The following SYNE1 variants were observed in gnomAD, a reference collection of about 807,000 sequenced individuals.
SYNE1 encodes the protein spectrin repeat containing nuclear envelope protein 1.
In SYNE1, 616 loss-of-function variants were observed where a neutral mutation model predicts 1,111.0. The ratio of observed to expected loss-of-function variants is 0.55; its 90% CI spans 0.52 to 0.59. The LOEUF (loss-of-function observed/expected upper bound fraction) is 0.59. Among genes scored for constraint, SYNE1 ranks in the 20% least tolerant of loss-of-function variants. The pLI is 0.00. For missense variants in SYNE1, 10,006 were observed against 10,417.0 expected (o/e 0.96, Z 1.72); for synonymous variants, 3,855 against 3,825.8 (o/e 1.01, Z -0.28).
At chr6:152,541,400 A>G (rs1378795620) in intron 3 of SYNE1, among the ~76,000 whole-genome samples, 3 of 152,012 alleles carry the variant, frequency 2.0e-5, no homozygotes, top group African/African-American at 4.8e-5. Context: ...ACTATTGTAA[A>G]TGGGGTTGCA....
At chr6:152,238,004 C>T (rs1270695786) in intron 108 of SYNE1, among the ~76,000 whole-genome samples, 1 of 152,094 alleles carries the variant, frequency 6.6e-6, no homozygotes, top group Non-Finnish European at 1.5e-5. Context: ...ATTTTCAATG[C>T]CTAGGGATCT....
intron 74 of SYNE1, among the ~76,000 whole-genome samples, chr6:152,340,711 T>A (rs945200824): frequency 1.3e-5 from 2 of 152,142 alleles, no homozygotes; most frequent in African/African-American, 4.8e-5. Flanking sequence ...TAAGCCGTGG[T>A]AAGAAAGTTG....
chr6:152,444,338 T>G, intron 30 of SYNE1, 73 bp downstream of exon 30: 1 of 1,546,364 alleles, frequency 6.5e-7, no homozygotes, highest in Non-Finnish European at 8.9e-7. Flanking sequence ...GTGGTTGTAT[T>G]CTTTATCTCT....
intron 37 of SYNE1, 144 bp downstream of exon 37, chr6:152,428,061 T>C: frequency 8.2e-7 from 1 of 1,225,520 alleles, no homozygotes; most frequent in East Asian, 2.3e-5. Context: ...CTTTGCCTTA[T>C]AACAAAGATC....
chr6:152,133,267 A>G lies in SYNE1; in HGVS notation c.26001+9T>C. ...AAATGCTACACGATGATGTCTGTTTATTGCTTACCTGCTGACTACTTGACA... is the reference window on the plus strand; with the variant it reads ...AAATGCTACACGATGATGTCTGTTTGTTGCTTACCTGCTGACTACTTGACA... On this transcript the variant is annotated intron_variant, in intron 143 of 145. Coordinates refer to ENST00000367255, the MANE Select transcript of SYNE1 (RefSeq NM_182961.4). 1.2e-6 allele frequency: 2 copies of G among 1,613,216 alleles called. No individual in the cohort carries two copies. The highest frequency in any genetic ancestry group is 1.7e-6 in the Non-Finnish European group (2 of 1,179,176).
At chr6:152,358,267 C>A in intron 66 of SYNE1, 106 bp downstream of exon 66, 3 of 1,467,420 alleles carry the variant, frequency 2.0e-6, no homozygotes, top group South Asian at 2.3e-5. Context: ...TAATGTGTAT[C>A]AACTAGCCAC....
chr6:152,143,933 T>A, intron 137 of SYNE1, 168 bp from the exon 138 acceptor site: 2 of 961,510 alleles, frequency 2.1e-6, no homozygotes, highest in Non-Finnish European at 3.2e-6. Flanking sequence ...GGGTTAGACA[T>A]TAAAATGGCC....
At chr6:152,147,913 G>T in intron 137 of SYNE1, 132 bp downstream of exon 137, 1 of 823,466 alleles carries the variant, frequency 1.2e-6, no homozygotes. Context: ...ATATCTAAGT[G>T]TTCACTTAGG....
chr6:152,441,048 ATAG>A (rs1474065411), intron 32 of SYNE1, 79 bp downstream of exon 32: 78 of 1,512,108 alleles, frequency 5.2e-5, no homozygotes, highest in Non-Finnish European at 5.9e-5. Context: ...ATAACAATTA[ATAG>A]TAATAATGGA....
chr6:152,281,902 C>A lies in SYNE1; in HGVS notation c.18286G>T (p.Asp6096Tyr). Residue 6096 changes from aspartate (D) to tyrosine (Y), a missense_variant, in exon 97 of 146, where the codon GAC (aspartate) becomes TAC (tyrosine). Coordinates refer to ENST00000367255, the MANE Select transcript of SYNE1 (RefSeq NM_182961.4). ...QRYRCEADEL[D>Y]SWLLSTKATL... ...GCCTTGGTACTCAAGAGCCAGCTGT[C>A]CAGCTCATCGGCTTCACAGCGATAC... 2 of 1,614,160 alleles carry A rather than the reference C, an allele frequency of 1.2e-6. No individual in the cohort carries two copies. Among genetic ancestry groups the A allele is most frequent in the Non-Finnish European group, 1.7e-6 (2 of 1,180,030 alleles).
chr6:152,494,865 A>G (rs2098990613), intron 11 of SYNE1, among the ~76,000 whole-genome samples: 2 of 152,198 alleles, frequency 1.3e-5, no homozygotes, highest in Non-Finnish European at 2.9e-5. Context: ...AAGACAGCTA[A>G]AGAAGCAGCC....
Position 152,354,782 on chromosome 6 carries a change from C to T in SYNE1, c.10803G>A (p.Arg3601=). Residue 3601 remains arginine (R), a synonymous_variant, in exon 67 of 146, where the codon AGG becomes AGA. Transcript: ENST00000367255. ...TQFNNVVNKL[R]LMEQKFQQVD... is the part of the protein sequence containing the mutation. ...CTTGCTGAAACTTTTGCTCCATTAG[C>T]CTCAATTTGTTCACCACGTTATTGA... 6.2e-7 allele frequency: 1 copy of T among 1,614,202 alleles called. No homozygotes were observed. Among genetic ancestry groups the T allele is most frequent in the East Asian group, 2.2e-5 (1 of 44,876 alleles).
rs774046000 is a variant in SYNE1 at position 152,221,565 on chromosome 6, C to T, written c.21523-6G>A. The T allele has an allele frequency of 1.9e-6, 3 of 1,612,930 alleles. No homozygotes were observed. The highest frequency in any genetic ancestry group is 1.1e-5 in the South Asian group (1 of 91,052). On this transcript the variant is annotated splice_polypyrimidine_tract_variant and splice_region_variant and intron_variant, in intron 117 of 145. Transcript: ENST00000367255. ...TCCAGATCATCTTGGAGATTCTGCC[C>T]CAAAAAAAAGACCCATAGATGACAT...
intron 82 of SYNE1, among the ~76,000 whole-genome samples, chr6:152,322,096 G>C (rs562011176): frequency 2.8e-4 from 43 of 152,248 alleles, no homozygotes; most frequent in African/African-American, 9.6e-4. Context: ...ACTGAGAGTT[G>C]ACTGTCTCAC....
chr6:152,210,690 G>A (rs373832879), intron 124 of SYNE1, among the ~76,000 whole-genome samples: 100 of 152,250 alleles, frequency 6.6e-4, no homozygotes, highest in African/African-American at 2.4e-3. Context: ...GTATACATAT[G>A]TAATAGAACA....
Position 152,269,266 on chromosome 6 carries a change from C to T in SYNE1, c.18594G>A (p.Glu6198=). ...LNMQGTAQEK[E]ESDVDLTATQ... The stretch of plus-strand genomic sequence containing the variant: ...TGGCTGTTAGGTCAACATCGCTCTC[C>T]TCCTTCTCCTGTGCTGTTCCCTGCT... Residue 6198 remains glutamate (E), a synonymous_variant, in exon 99 of 146, where the codon GAG becomes GAA. Coordinates refer to ENST00000367255, the MANE Select transcript of SYNE1 (RefSeq NM_182961.4). 6.2e-7 allele frequency: 1 copy of T among 1,614,196 alleles called. No homozygotes were observed. Among genetic ancestry groups the T allele is most frequent in the Non-Finnish European group, 8.5e-7 (1 of 1,180,038 alleles).
chr6:152,171,193 A>G (rs1268966418), intron 130 of SYNE1, among the ~76,000 whole-genome samples: 2 of 152,202 alleles, frequency 1.3e-5, no homozygotes, highest in African/African-American at 4.8e-5. Flanking sequence ...TGAGCTAGCT[A>G]CTATTATGAT....
chr6:152,136,579 T>C (rs2057128769), intron 141 of SYNE1, 39 bp downstream of exon 141: 1 of 1,609,432 alleles, frequency 6.2e-7, no homozygotes, highest in Non-Finnish European at 8.5e-7. Context: ...ATTGCTAATG[T>C]CTCTCTCTGA....
At chr6:152,303,356 T>C (rs1376718648) in intron 91 of SYNE1, among the ~76,000 whole-genome samples, 3 of 151,162 alleles carry the variant, frequency 2.0e-5, no homozygotes, top group Non-Finnish European at 4.4e-5. Flanking sequence ...TGAGCCAAGA[T>C]TGTGCCACTG....
Sources: allele counts gnomAD v4.1 joint callset (sites outside exome capture counted in the v4.1 genomes callset), GRCh38; gene constraint gnomAD v4.1.1; transcripts MANE v1.5; gene names NCBI Gene and HGNC (gene_info 2026-07-23, HGNC 2026-07-21).